The following EXD2 variants were observed in gnomAD, a reference collection of about 807,000 sequenced individuals.
EXD2 encodes the protein exonuclease 3'-5' domain-containing protein 2.
EXD2 carries 40 observed loss-of-function variants against 62.5 expected under a neutral mutation model. The ratio of observed to expected loss-of-function variants is 0.64; its 90% CI spans 0.50 to 0.83. The LOEUF is 0.83. Ranked by LOEUF, EXD2 falls within the 40% of genes least tolerant of loss-of-function variation. The pLI is 0.00. For synonymous variants in EXD2, 239 were observed against 291.9 expected (o/e 0.82, Z 1.85); for missense variants, 671 against 761.8 (o/e 0.88, Z 1.40).
Position 69,236,454 on chromosome 14 carries a change from G to T in EXD2, c.1204G>T (p.Ala402Ser), listed in dbSNP as rs1412117590. ...PFVVKLRFEP[A>S]GRPESPGDYY... ...TGTGGTGAAGCTACGGTTTGAACCTGCAGGAAGGCCCGAATCTCCTGGAGA... is the reference window on the plus strand; with the variant it reads ...TGTGGTGAAGCTACGGTTTGAACCTTCAGGAAGGCCCGAATCTCCTGGAGA... Residue 402 changes from alanine (A) to serine (S), a missense_variant, in exon 8 of 10, where the codon GCA becomes TCA. Physicochemically the swap from Ala to Ser is moderately conservative, Grantham distance 99. Coordinates refer to ENST00000685843, the MANE Select transcript of EXD2 (RefSeq NM_001193360.2). The T allele has an allele frequency of 6.2e-7, 1 of 1,614,138 alleles. No homozygotes were observed.
Position 69,209,449 on chromosome 14 carries a change from C to T in EXD2, c.-22C>T. ...ATTGTGGGATTAGTGATATGCTTTT[C>T]TAAAGAGTAGAAAAGTCGAAGATGT... On this transcript the variant is annotated 5_prime_UTR_variant, in exon 3 of 10. Coordinates refer to ENST00000685843, the MANE Select transcript of EXD2 (RefSeq NM_001193360.2). The T allele has an allele frequency of 6.8e-7, 1 of 1,472,096 alleles. No individual in the cohort carries two copies. Among genetic ancestry groups the T allele is most frequent in the Non-Finnish European group, 9.0e-7 (1 of 1,109,064 alleles). The allele number at this position is 1,472,096 out of a possible 1,614,324, so 91.2% of individuals were successfully genotyped here. A position where few individuals can be genotyped will look rare whatever the true frequency, so the allele number is the denominator to read the frequency against.
At chr14:69,218,943 A>T (rs911157465) in intron 3 of EXD2, among the ~76,000 whole-genome samples, 1 of 152,192 alleles carries the variant, frequency 6.6e-6, no homozygotes, top group African/African-American at 2.4e-5. Flanking sequence ...AGGTAGCATG[A>T]TGTCTCCAGC....
At chr14:69,201,527 G>A (rs979968359) in intron 1 of EXD2, among the ~76,000 whole-genome samples, 8 of 152,034 alleles carry the variant, frequency 5.3e-5, no homozygotes, top group African/African-American at 1.7e-4. Flanking sequence ...CTATCCTGTG[G>A]TGCTTCCTGC....
intron 2 of EXD2, among the ~76,000 whole-genome samples, chr14:69,204,697 C>G (rs2042526154): frequency 6.6e-6 from 1 of 151,984 alleles, no homozygotes; most frequent in Non-Finnish European, 1.5e-5. Flanking sequence ...TTTTCTGACT[C>G]CCAACCCAGT....
intron 3 of EXD2, among the ~76,000 whole-genome samples, chr14:69,214,502 A>G (rs1457064385): frequency 6.6e-6 from 1 of 151,954 alleles, no homozygotes; most frequent in Non-Finnish European, 1.5e-5. Context: ...GTCTTTTTTT[A>G]GACTTTTTTA....
intron 3 of EXD2, among the ~76,000 whole-genome samples, chr14:69,216,605 T>C (rs1032101803): frequency 3.3e-5 from 5 of 152,110 alleles, no homozygotes; most frequent in African/African-American, 9.7e-5. Flanking sequence ...CATTTTCTTA[T>C]ACGTTTTAGA....
chr14:69,215,003 C>T (rs764501079), intron 3 of EXD2, among the ~76,000 whole-genome samples: 9 of 151,702 alleles, frequency 5.9e-5, no homozygotes, highest in East Asian at 1.9e-4. Context: ...CAGTATAGTC[C>T]GGGCGTGGTG....
Position 69,206,455 on chromosome 14 carries a change from C to CTTTTTTTT in EXD2, c.-48+2479_-48+2486dup, listed in dbSNP as rs56333403. 2.1e-4 allele frequency among the ~76,000 whole-genome samples: 20 copies of CTTTTTTTT among 94,638 alleles called. 1 individual carries two copies. Among genetic ancestry groups the CTTTTTTTT allele is most frequent in the African/African-American group, 9.0e-4 (20 of 22,176 alleles). 62.1% of individuals were successfully genotyped at this position (94,638 alleles called of 152,430 possible). On this transcript the variant is annotated intron_variant, in intron 2 of 9. Transcript: ENST00000685843. The stretch of plus-strand genomic sequence containing the variant: ...CCCAGCTTCATCTCCCACCCACCCA[C>CTTTTTTTT]TTTTTTTTTTTTTTTTTTTTTTTTT...
rs765495890 is a variant in EXD2, at chr14:69,237,863, CAG to C, written c.1586_1587del (p.Glu529ValfsTer3). 3.1e-6 allele frequency: 5 copies of C among 1,611,270 alleles called. No homozygotes were observed. Among genetic ancestry groups the C allele is most frequent in the Admixed American group, 1.7e-5 (1 of 59,266 alleles). On this transcript the variant is annotated frameshift_variant, in exon 9 of 10. Coordinates refer to ENST00000685843, the MANE Select transcript of EXD2 (RefSeq NM_001193360.2). LOFTEE classifies it high-confidence loss of function. The part of the protein sequence containing the change: ...QRKEELLQAL[R>X]EFYNTDVVTE... ...GAAAGGAGGAGCTGCTGCAAGCACTCAGAGAGTTTTATAACACAGACGTGGTC... is the reference window on the plus strand; with the variant it reads ...GAAAGGAGGAGCTGCTGCAAGCACTCAGAGTTTTATAACACAGACGTGGTC...
At chr14:69,198,138 A>G (rs2042270473) in intron 1 of EXD2, among the ~76,000 whole-genome samples, 1 of 152,220 alleles carries the variant, frequency 6.6e-6, no homozygotes, top group African/African-American at 2.4e-5. Flanking sequence ...GTTTTAAAAT[A>G]GTATACAGGT....
At chr14:69,203,780 T>C (rs1378123926) in intron 1 of EXD2, 137 bp from the exon 2 acceptor site, 1 of 152,258 alleles carries the variant, frequency 6.6e-6, no homozygotes, top group Non-Finnish European at 1.5e-5. Flanking sequence ...TTTCCTTTAA[T>C]AGAAGTTCTG....
chr14:69,204,669 G>A lies in EXD2; in HGVS notation c.-48+669G>A, dbSNP rs147180731. Among the ~76,000 whole-genome samples the A allele has an allele frequency of 7.0e-3, 1,072 of 152,236 alleles. 10 individuals are homozygous for A. The highest frequency in any genetic ancestry group is 0.025 in the African/African-American group (1,029 of 41,532). On this transcript the variant is annotated intron_variant, in intron 2 of 9. Transcript: ENST00000685843. ...AAAAGCTTGGATCCCAGAGTAAACT[G>A]TTACCACAGTTTAATTTTTTTCTGA...
rs2042729915 is a variant in EXD2, at chr14:69,209,453, A to G, written c.-18A>G. Reference sequence around the variant, plus strand: ...TGGGATTAGTGATATGCTTTTCTAAAGAGTAGAAAAGTCGAAGATGTCTAG... The same window carrying G: ...TGGGATTAGTGATATGCTTTTCTAAGGAGTAGAAAAGTCGAAGATGTCTAG... On this transcript the variant is annotated 5_prime_UTR_variant, in exon 3 of 10. Transcript: ENST00000685843. The G allele has an allele frequency of 6.8e-7, 1 of 1,473,676 alleles. No homozygotes were observed. Among genetic ancestry groups the G allele is most frequent in the Non-Finnish European group, 9.0e-7 (1 of 1,109,418 alleles). 91.3% of individuals were successfully genotyped at this position (1,473,676 alleles called of 1,614,324 possible). A position where few individuals can be genotyped will look rare whatever the true frequency, so the allele number is the denominator to read the frequency against.
At chr14:69,226,789 T>G (rs1773382452) in intron 3 of EXD2, among the ~76,000 whole-genome samples, 1 of 152,110 alleles carries the variant, frequency 6.6e-6, no homozygotes, top group South Asian at 2.1e-4. Flanking sequence ...TTTTTTTTTT[T>G]TTTAACAGCA....
intron 8 of EXD2, 101 bp from the exon 9 acceptor site, chr14:69,237,474 A>G: frequency 9.5e-7 from 1 of 1,055,844 alleles, no homozygotes; most frequent in Non-Finnish European, 1.5e-6. Flanking sequence ...CTTCTCAGTC[A>G]TGGTTAGGCC....
intron 9 of EXD2, 127 bp from the exon 10 acceptor site, chr14:69,240,757 A>C (rs1191404881): frequency 4.2e-6 from 3 of 709,192 alleles, no homozygotes; most frequent in Non-Finnish European, 2.3e-6. Context: ...CGAAAACACC[A>C]AAGTAACTAA....
At chr14:69,238,603 T>G (rs1412079196) in intron 9 of EXD2, among the ~76,000 whole-genome samples, 1 of 152,008 alleles carries the variant, frequency 6.6e-6, no homozygotes, top group African/African-American at 2.4e-5. Flanking sequence ...CAGATAGTTT[T>G]TTTTTTTTTT....
chr14:69,239,518 T>G (rs573364863), intron 9 of EXD2, among the ~76,000 whole-genome samples: 13 of 152,314 alleles, frequency 8.5e-5, no homozygotes, highest in African/African-American at 2.4e-4. Context: ...TTTATAGATA[T>G]ACTATATCTT....
chr14:69,219,852 T>C (rs1170783109), intron 3 of EXD2, among the ~76,000 whole-genome samples: 1 of 152,194 alleles, frequency 6.6e-6, no homozygotes, highest in African/African-American at 2.4e-5. Flanking sequence ...CTGGCTAGGA[T>C]CACAGTACAG....
Sources: allele counts gnomAD v4.1 joint callset (sites outside exome capture counted in the v4.1 genomes callset), GRCh38; gene constraint gnomAD v4.1.1; transcripts MANE v1.5; gene names NCBI Gene and HGNC (gene_info 2026-07-23, HGNC 2026-07-21).